Variants in IRS1 observed in about 807,000 individuals in gnomAD.
The protein encoded by IRS1 is insulin receptor substrate 1.
Under a neutral mutation model 65.6 loss-of-function variants are expected in IRS1, and 34 were observed. The observed-to-expected ratio is 0.52, with a 90% CI of 0.39 to 0.69. IRS1 has a LOEUF of 0.69. IRS1 is among the 30% of genes least tolerant of loss of function. The pLI is 0.00. For missense variants in IRS1, 1,641 were observed against 1,720.2 expected, an observed-to-expected ratio of 0.95 and a Z score of 0.81; for synonymous variants, 699 against 683.5, an observed-to-expected ratio of 1.02 and a Z score of -0.35.
intron 1 of IRS1, among the ~76,000 whole-genome samples, chr2:226,785,486 C>A (rs534778051): frequency 6.6e-6 from 1 of 152,108 alleles, no homozygotes; most frequent in South Asian, 2.1e-4. Context: ...GCCTGTAATC[C>A]CAACTACTCA....
chr2:226,765,986 A>C (rs1939022249), intron 1 of IRS1, among the ~76,000 whole-genome samples: 1 of 150,082 alleles, frequency 6.7e-6, no homozygotes, highest in Non-Finnish European at 1.5e-5. Flanking sequence ...TCAAGTGTTC[A>C]TGTTTTTGGA....
chr2:226,798,760 G>T lies in IRS1; in HGVS notation c.-22C>A. ...CCATGCTGCCACCGCCACCACCAAC[G>T]CTGAGCAGAGGGAGGCTCCGAAAAA... On this transcript the variant is annotated 5_prime_UTR_variant, in exon 1 of 2. Coordinates refer to ENST00000305123, the MANE Select transcript of IRS1 (RefSeq NM_005544.3). The surrounding 1 kb of genome is among the most constrained non-coding windows in gnomAD (Gnocchi z 9.4). The T allele has an allele frequency of 1.9e-6, 3 of 1,604,092 alleles. No homozygotes were observed. The highest frequency in any genetic ancestry group is 2.6e-6 in the Non-Finnish European group (3 of 1,176,032).
At position 226,735,705 on chromosome 2, in the gene IRS1, A is replaced by G. The variant is rs1362119300; in HGVS notation, c.*567T>C. On this transcript the variant is annotated 3_prime_UTR_variant, in exon 2 of 2. Coordinates refer to ENST00000305123, the MANE Select transcript of IRS1 (RefSeq NM_005544.3). Reference sequence around the variant, plus strand: ...TTTAAGCATTTGCTCCACTCTTTACAACAGAACATTGTATACCTCCATCCC... The same window carrying G: ...TTTAAGCATTTGCTCCACTCTTTACGACAGAACATTGTATACCTCCATCCC... 6.6e-6 allele frequency: 1 copy of G among 152,640 alleles called. No homozygotes were observed. The highest frequency in any genetic ancestry group is 1.5e-5 in the Non-Finnish European group (1 of 68,042). The allele number at this position is 152,640 out of a possible 1,614,324, so 9.5% of individuals were successfully genotyped here. A position where few individuals can be genotyped will look rare whatever the true frequency, so the allele number is the denominator to read the frequency against.
Position 226,799,104 on chromosome 2 carries a change from G to A in IRS1, c.-366C>T. 1 of 1,195,888 alleles carries A rather than the reference G, an allele frequency of 8.4e-7. No homozygotes were observed. The highest frequency in any genetic ancestry group is 5.7e-5 in the East Asian group (1 of 17,504). 74.1% of individuals were successfully genotyped at this position (1,195,888 alleles called of 1,614,324 possible). On this transcript the variant is annotated 5_prime_UTR_variant, in exon 1 of 2. Transcript: ENST00000305123. This position sits in a 1 kb window ranked among gnomAD's most constrained non-coding sequence, Gnocchi z 6.1. ...CCCGGCTGGAGTCCGGCACAGGGAG[G>A]CGACAGTCGGGGGTCCCTGCGGTGC...
chr2:226,769,519 C>T (rs1424635627), intron 1 of IRS1, among the ~76,000 whole-genome samples: 2 of 152,202 alleles, frequency 1.3e-5, no homozygotes, highest in Non-Finnish European at 2.9e-5. Context: ...TTCCAGCCAA[C>T]CAGACATGGA....
rs1939027736 is a variant in IRS1 at position 226,766,129 on chromosome 2, A to C, written c.*21+28860T>G. Among the ~76,000 whole-genome samples the C allele has an allele frequency of 1.9e-3, 7 of 3,660 alleles. No individual in the cohort carries two copies. The South Asian group carries it at 0.042, about 22-fold the overall frequency. 2.4% of individuals were successfully genotyped at this position (3,660 alleles called of 152,430 possible). On this transcript the variant is annotated intron_variant, in intron 1 of 1. Coordinates refer to ENST00000305123, the MANE Select transcript of IRS1 (RefSeq NM_005544.3). ...AAGGCCCTCTCTTAATCTTATATAT[A>C]TATATATATATATATATATATATAT...
chr2:226,737,518 TG>T lies in IRS1; in HGVS notation c.*22-1269del, dbSNP rs1404324986. ...TAGCAGAGAGTAGATCAGAAATACT[TG>T]TTGAATGAGTACGTGGTTGCACTAA... is the stretch of plus-strand genomic sequence containing the variant. On this transcript the variant is annotated intron_variant, in intron 1 of 1. Transcript: ENST00000305123. Among the ~76,000 whole-genome samples the T allele has an allele frequency of 6.6e-5, 10 of 152,314 alleles. No homozygotes were observed. The South Asian group carries it at 2.1e-3, about 32-fold the overall frequency.
chr2:226,778,453 C>G (rs1939315652), intron 1 of IRS1, among the ~76,000 whole-genome samples: 1 of 151,928 alleles, frequency 6.6e-6, no homozygotes, highest in African/African-American at 2.4e-5. Context: ...GTAAAATACA[C>G]AGCAATACCA....
intron 1 of IRS1, among the ~76,000 whole-genome samples, chr2:226,743,798 T>G (rs1413939429): frequency 6.6e-6 from 1 of 152,190 alleles, no homozygotes; most frequent in African/African-American, 2.4e-5. Flanking sequence ...AGGTCTGGCT[T>G]TGATACAAAC....
At chr2:226,741,686 C>A (rs1013903092) in intron 1 of IRS1, among the ~76,000 whole-genome samples, 8 of 151,886 alleles carry the variant, frequency 5.3e-5, no homozygotes, top group African/African-American at 1.9e-4. Context: ...TTTACAGTAC[C>A]ACTAACTGGA....
Position 226,799,743 on chromosome 2 carries a change from C to T in IRS1, c.-1005G>A, listed in dbSNP as rs1939854417. 1 of 999,130 alleles carries T rather than the reference C, an allele frequency of 1.0e-6. No individual in the cohort carries two copies. The highest frequency in any genetic ancestry group is 1.7e-5 in the African/African-American group (1 of 57,344). 61.9% of individuals were successfully genotyped at this position (999,130 alleles called of 1,614,324 possible). On this transcript the variant is annotated 5_prime_UTR_variant, in exon 1 of 2. Coordinates refer to ENST00000305123, the MANE Select transcript of IRS1 (RefSeq NM_005544.3). This position sits in a 1 kb window ranked among gnomAD's most constrained non-coding sequence, Gnocchi z 6.1. ...GCGTCTGGCTCTGCGCGCCGGCCCC[C>T]TCCGACCGCGCCGCCGTCTCACTCG...
At position 226,767,318 on chromosome 2, in the gene IRS1, C is replaced by T. The variant is rs904014235; in HGVS notation, c.*21+27671G>A. On this transcript the variant is annotated intron_variant, in intron 1 of 1. Coordinates refer to ENST00000305123, the MANE Select transcript of IRS1 (RefSeq NM_005544.3). ...AAGATAAAAAGAGTGCTGAAATAAG[C>T]GCAAGCCATAATAAGGGCCAATGAG... Among the ~76,000 whole-genome samples, 7 of 152,118 alleles carry T rather than the reference C, an allele frequency of 4.6e-5. No individual in the cohort carries two copies. The East Asian group carries it at 5.8e-4, about 13-fold the overall frequency.
intron 1 of IRS1, among the ~76,000 whole-genome samples, chr2:226,789,307 A>T (rs773791495): frequency 1.3e-5 from 2 of 152,222 alleles, no homozygotes; most frequent in Non-Finnish European, 2.9e-5. Context: ...GGGACAAAAA[A>T]GGTCGGAGCT....
intron 1 of IRS1, among the ~76,000 whole-genome samples, chr2:226,792,571 G>C (rs1416866484): frequency 6.6e-6 from 1 of 152,216 alleles, no homozygotes; most frequent in Non-Finnish European, 1.5e-5. Context: ...AACAAGTAGA[G>C]CTCCTGAGCT....
At chr2:226,770,458 G>C (rs1309553548) in intron 1 of IRS1, among the ~76,000 whole-genome samples, 1 of 152,118 alleles carries the variant, frequency 6.6e-6, no homozygotes, top group Non-Finnish European at 1.5e-5. Context: ...TCTCCCTCTA[G>C]AACATAAGCT....
intron 1 of IRS1, among the ~76,000 whole-genome samples, chr2:226,739,135 A>T (rs963755663): frequency 6.6e-6 from 1 of 152,202 alleles, no homozygotes; most frequent in Non-Finnish European, 1.5e-5. Flanking sequence ...AGGGAATAAA[A>T]GGACGTATCA....
chr2:226,741,490 C>T (rs967087175), intron 1 of IRS1, among the ~76,000 whole-genome samples: 2 of 152,096 alleles, frequency 1.3e-5, no homozygotes, highest in Non-Finnish European at 2.9e-5. Flanking sequence ...AAAAGATTCC[C>T]TTCATGAGAG....
At chr2:226,790,415 G>C (rs1202561469) in intron 1 of IRS1, among the ~76,000 whole-genome samples, 2 of 151,734 alleles carry the variant, frequency 1.3e-5, no homozygotes. Flanking sequence ...TTTATTGAGG[G>C]GGAACTCAGA....
chr2:226,783,270 T>C (rs1444173361), intron 1 of IRS1, among the ~76,000 whole-genome samples: 2 of 152,238 alleles, frequency 1.3e-5, no homozygotes, highest in African/African-American at 2.4e-5. Flanking sequence ...GCATGTAATA[T>C]AAAAATATGT....
Sources: gnomAD v4.1 joint callset for allele counts (sites outside exome capture counted in the v4.1 genomes callset) on GRCh38, gnomAD v4.1.1 for gene constraint, Gnocchi (gnomAD v3.1) non-coding constraint, MANE v1.5 for transcripts, NCBI Gene and HGNC (gene_info 2026-07-23, HGNC 2026-07-21) for gene names.